Variants in CSMD1 observed in about 807,000 individuals in gnomAD.
The protein encoded by CSMD1 is CUB and Sushi multiple domains 1, also known as CUB and sushi domain-containing protein 1.
Under a neutral mutation model 417.5 loss-of-function variants are expected in CSMD1, and 213 were observed. The ratio of observed to expected loss-of-function variants is 0.51; its 90% CI spans 0.46 to 0.57. CSMD1 has a LOEUF of 0.57. Ranked by LOEUF, CSMD1 falls within the 20% of genes least tolerant of loss-of-function variation. The pLI is 0.00. For synonymous variants in CSMD1, 2,862 were observed against 1,736.8 expected, an observed-to-expected ratio of 1.65 and a Z score of -16.11; for missense variants, 6,923 against 4,529.7, an observed-to-expected ratio of 1.53 and a Z score of -15.17.
chr8:3,863,339 G>A (rs1290733468), intron 5 of CSMD1, among the ~76,000 whole-genome samples: 2 of 150,554 alleles, frequency 1.3e-5, no homozygotes, highest in African/African-American at 4.9e-5. Context: ...GGTGGTTGCA[G>A]GAGTTGAGAT....
chr8:4,346,444 A>G (rs1301635636), intron 3 of CSMD1, among the ~76,000 whole-genome samples: 1 of 152,108 alleles, frequency 6.6e-6, no homozygotes, highest in Non-Finnish European at 1.5e-5. Flanking sequence ...CTGGCCCTTT[A>G]AAGCAAGGCT....
chr8:4,175,710 T>C (rs569198551), intron 3 of CSMD1, among the ~76,000 whole-genome samples: 3 of 152,312 alleles, frequency 2.0e-5, no homozygotes, highest in Non-Finnish European at 4.4e-5. Context: ...GGGAGAATTT[T>C]ATTGTCCAAG....
chr8:4,717,158 A>C (rs1484537377), intron 1 of CSMD1, among the ~76,000 whole-genome samples: 1 of 151,854 alleles, frequency 6.6e-6, no homozygotes, highest in Non-Finnish European at 1.5e-5. Flanking sequence ...TAGGGTATAC[A>C]GTGAGATATT....
chr8:3,885,116 C>G (rs115076016), intron 5 of CSMD1, among the ~76,000 whole-genome samples: 1 of 151,878 alleles, frequency 6.6e-6, no homozygotes, highest in African/African-American at 2.4e-5. Flanking sequence ...ATACATTTGT[C>G]GAAACTGTGT....
intron 3 of CSMD1, among the ~76,000 whole-genome samples, chr8:4,126,278 C>G (rs1248912959): frequency 6.6e-6 from 1 of 152,178 alleles, no homozygotes; most frequent in Non-Finnish European, 1.5e-5. Context: ...ATGAATCACT[C>G]TTTCTTCATA....
intron 30 of CSMD1, among the ~76,000 whole-genome samples, chr8:3,210,228 C>A (rs1797523976): frequency 6.6e-6 from 1 of 152,030 alleles, no homozygotes; most frequent in Non-Finnish European, 1.5e-5. Flanking sequence ...ACAGGAGAGA[C>A]CATCTCTGCT....
chr8:3,456,942 T>C (rs1816187590), intron 12 of CSMD1, among the ~76,000 whole-genome samples: 1 of 151,914 alleles, frequency 6.6e-6, no homozygotes, highest in South Asian at 2.1e-4. Flanking sequence ...TGCTGCACTG[T>C]CTCACCCTAC....
At chr8:4,229,784 ATCAC>A (rs1801597390) in intron 3 of CSMD1, among the ~76,000 whole-genome samples, 1 of 152,060 alleles carries the variant, frequency 6.6e-6, no homozygotes, top group Admixed American at 6.5e-5. Flanking sequence ...TAAGTGTTTC[ATCAC>A]TCACTCCTTC....
intron 3 of CSMD1, among the ~76,000 whole-genome samples, chr8:4,303,694 T>A (rs1023226475): frequency 1.3e-5 from 2 of 152,064 alleles, no homozygotes; most frequent in African/African-American, 4.8e-5. Flanking sequence ...CTTGCTCTCT[T>A]GCCCAGACTG....
rs1734807473 is a variant in CSMD1 at position 3,660,415 on chromosome 8, G to A, written c.1010-43618C>T. Among the ~76,000 whole-genome samples the A allele has an allele frequency of 2.0e-5, 3 of 146,772 alleles. No individual in the cohort carries two copies. In the South Asian group the frequency reaches 6.6e-4, roughly 32 times the overall value. ...ACGTATGTTGGCATTTCTTATTGTTGTTTGATCATCCAAGCAAACACAGGA... is the reference window on the plus strand; with the variant it reads ...ACGTATGTTGGCATTTCTTATTGTTATTTGATCATCCAAGCAAACACAGGA... On this transcript the variant is annotated intron_variant, in intron 7 of 69. Transcript: ENST00000635120.
chr8:4,832,944 G>C (rs903294451), intron 1 of CSMD1, among the ~76,000 whole-genome samples: 3 of 152,124 alleles, frequency 2.0e-5, no homozygotes, highest in African/African-American at 7.2e-5. Context: ...AAAAGCTCTT[G>C]TCTGATTTCA....
At chr8:4,224,198 G>C (rs572204142) in intron 3 of CSMD1, among the ~76,000 whole-genome samples, 1 of 149,020 alleles carries the variant, frequency 6.7e-6, no homozygotes, top group Admixed American at 6.8e-5. Flanking sequence ...GTTATGCAAA[G>C]CGTTTGTGAT....
intron 5 of CSMD1, among the ~76,000 whole-genome samples, chr8:3,987,433 C>G (rs893739219): frequency 6.6e-6 from 1 of 152,172 alleles, no homozygotes; most frequent in African/African-American, 2.4e-5. Context: ...GTTCCTGGTA[C>G]AGTGGTAGGT....
At chr8:4,452,377 C>A (rs76313423) in intron 2 of CSMD1, among the ~76,000 whole-genome samples, 1 of 152,140 alleles carries the variant, frequency 6.6e-6, no homozygotes, top group Non-Finnish European at 1.5e-5. Context: ...AATACAAAGG[C>A]GTAGCCTCGA....
At chr8:4,276,241 A>G (rs954409162) in intron 3 of CSMD1, among the ~76,000 whole-genome samples, 2 of 152,190 alleles carry the variant, frequency 1.3e-5, no homozygotes, top group Admixed American at 1.3e-4. Context: ...TCAACGATAG[A>G]CTGAATTTTA....
intron 27 of CSMD1, among the ~76,000 whole-genome samples, chr8:3,228,942 G>A (rs1283699684): frequency 6.6e-6 from 1 of 152,046 alleles, no homozygotes; most frequent in Admixed American, 6.6e-5. Flanking sequence ...GCTCACAGAC[G>A]CTATGAAAAG....
intron 3 of CSMD1, among the ~76,000 whole-genome samples, chr8:4,071,906 A>T (rs546512215): frequency 2.4e-4 from 37 of 152,288 alleles, no homozygotes; most frequent in Non-Finnish European, 1.5e-5. Flanking sequence ...CCACTTAGGC[A>T]TAGCTCAAGA....
chr8:4,834,711 C>G (rs540148033), intron 1 of CSMD1, among the ~76,000 whole-genome samples: 2 of 151,818 alleles, frequency 1.3e-5, no homozygotes, highest in Admixed American at 6.6e-5. Context: ...AATCCCAGCA[C>G]TTTGGGAGGC....
intron 5 of CSMD1, among the ~76,000 whole-genome samples, chr8:3,941,605 G>A (rs1476607410): frequency 6.6e-6 from 1 of 151,976 alleles, no homozygotes; most frequent in Non-Finnish European, 1.5e-5. Flanking sequence ...ATAAGCATAT[G>A]GTAATTCATG....
Sources: allele counts gnomAD v4.1 joint callset (sites outside exome capture counted in the v4.1 genomes callset), GRCh38; gene constraint gnomAD v4.1.1; transcripts MANE v1.5; gene names NCBI Gene and HGNC (gene_info 2026-07-23, HGNC 2026-07-21).